The following DDX10 variants were observed in gnomAD, a reference collection of about 807,000 sequenced individuals.
DDX10 encodes the protein probable ATP-dependent RNA helicase DDX10.
A neutral mutation model predicts 104.3 loss-of-function variants in DDX10; 74 were observed. That is an observed-to-expected ratio of 0.71 (90% confidence interval 0.59 to 0.86). DDX10 has a LOEUF of 0.86. DDX10 is among the 40% of genes least tolerant of loss of function. The pLI, the probability that DDX10 is intolerant of heterozygous loss-of-function variation, is 0.00. For missense variants in DDX10, 952 were observed against 1,040.0 expected, an observed-to-expected ratio of 0.92 and a Z score of 1.16; for synonymous variants, 351 against 353.4, an observed-to-expected ratio of 0.99 and a Z score of 0.08.
At chr11:108,838,410 C>G in intron 13 of DDX10, 36 bp from the exon 14 acceptor site, 1 of 1,587,774 alleles carries the variant, frequency 6.3e-7, no homozygotes, top group South Asian at 1.2e-5. Flanking sequence ...CAACCATTTT[C>G]CTAATCATCT....
chr11:108,812,979 T>TAA (rs60528070), intron 13 of DDX10, among the ~76,000 whole-genome samples: 10 of 66,478 alleles, frequency 1.5e-4, no homozygotes, highest in African/African-American at 3.9e-4. Context: ...GACTCCATCT[T>TAA]AAAAAAAAAA....
At chr11:108,834,926 T>C (rs1176008472) in intron 13 of DDX10, among the ~76,000 whole-genome samples, 2 of 1,338 alleles carry the variant, frequency 1.5e-3, no homozygotes, top group South Asian at 0.016. Context: ...AGACTCCATC[T>C]CAAAAAAAAA....
intron 13 of DDX10, among the ~76,000 whole-genome samples, chr11:108,801,808 A>C (rs1345251231): frequency 6.6e-6 from 1 of 152,144 alleles, no homozygotes; most frequent in East Asian, 1.9e-4. Context: ...ACTGTCTTTC[A>C]CCACAATTAA....
At chr11:108,754,411 G>A (rs1372934251) in intron 13 of DDX10, among the ~76,000 whole-genome samples, 3 of 151,960 alleles carry the variant, frequency 2.0e-5, no homozygotes, top group Non-Finnish European at 4.4e-5. Context: ...CCATAATCGA[G>A]TTTTCAGGTG....
intron 13 of DDX10, among the ~76,000 whole-genome samples, chr11:108,803,697 G>T (rs924354952): frequency 1.3e-5 from 2 of 151,420 alleles, no homozygotes; most frequent in Non-Finnish European, 2.9e-5. Context: ...TTGAATTCAT[G>T]TGAAATATAC....
At chr11:108,925,938 T>C (rs1863902640) in intron 17 of DDX10, among the ~76,000 whole-genome samples, 1 of 152,196 alleles carries the variant, frequency 6.6e-6, no homozygotes, top group South Asian at 2.1e-4. Context: ...GAGACTAAAC[T>C]GTAAAACTCC....
intron 13 of DDX10, among the ~76,000 whole-genome samples, chr11:108,750,186 C>T (rs553263656): frequency 6.6e-6 from 1 of 152,226 alleles, no homozygotes; most frequent in Admixed American, 6.5e-5. Context: ...TGGAGAGTGT[C>T]ATTGTTTTCT....
chr11:108,724,634 G>A (rs537661103), intron 13 of DDX10, among the ~76,000 whole-genome samples: 9 of 152,062 alleles, frequency 5.9e-5, no homozygotes, highest in East Asian at 1.9e-4. Flanking sequence ...TTAGATTTTC[G>A]TTTTAAATAA....
At chr11:108,701,888 G>C (rs2094268788) in intron 9 of DDX10, among the ~76,000 whole-genome samples, 1 of 152,086 alleles carries the variant, frequency 6.6e-6, no homozygotes, top group African/African-American at 2.4e-5. Context: ...GTTTTGCCAT[G>C]TTGGCCAGAC....
rs142381520 is a variant in DDX10 at position 108,837,607 on chromosome 11, C to CTTTTTTTTTTTT, written c.1966-815_1966-804dup. On this transcript the variant is annotated intron_variant, in intron 13 of 17. Coordinates refer to ENST00000322536, the MANE Select transcript of DDX10 (RefSeq NM_004398.4). ...TTCTGCATCTCACCTTTGGATACAG[C>CTTTTTTTTTTTT]TTTTTTTTTTTTTTTTTTTTTTTTT... is the stretch of plus-strand genomic sequence containing the variant. 2.0e-4 allele frequency among the ~76,000 whole-genome samples: 7 copies of CTTTTTTTTTTTT among 34,748 alleles called. 2 individuals are homozygous for CTTTTTTTTTTTT. The highest frequency in any genetic ancestry group is 1.3e-3 in the Admixed American group (3 of 2,400). 22.8% of individuals were successfully genotyped at this position (34,748 alleles called of 152,430 possible).
At chr11:108,796,151 TTCTC>T (rs764438003) in intron 13 of DDX10, among the ~76,000 whole-genome samples, 14 of 152,018 alleles carry the variant, frequency 9.2e-5, no homozygotes, top group Non-Finnish European at 1.3e-4. Flanking sequence ...TCCGTTGTGA[TTCTC>T]TCTCTCTCTT....
chr11:108,826,041 G>A (rs920102301), intron 13 of DDX10, among the ~76,000 whole-genome samples: 5 of 152,146 alleles, frequency 3.3e-5, no homozygotes, highest in African/African-American at 1.2e-4. Context: ...TAATAGCTGT[G>A]ATTCTTATCA....
intron 9 of DDX10, among the ~76,000 whole-genome samples, chr11:108,698,639 C>T (rs1357891335): frequency 6.6e-6 from 1 of 152,142 alleles, no homozygotes; most frequent in African/African-American, 2.4e-5. Flanking sequence ...TTCCCAGGCA[C>T]CCCTTAGGAA....
At chr11:108,718,941 A>C (rs1033070072) in intron 11 of DDX10, among the ~76,000 whole-genome samples, 13 of 152,194 alleles carry the variant, frequency 8.5e-5, no homozygotes, top group African/African-American at 3.1e-4. Context: ...AAGCTAGATA[A>C]AACATGAAGT....
chr11:108,769,953 G>A (rs1235165435), intron 13 of DDX10, among the ~76,000 whole-genome samples: 2 of 152,140 alleles, frequency 1.3e-5, no homozygotes, highest in Non-Finnish European at 2.9e-5. Flanking sequence ...AAAAAATTTA[G>A]TGAGAAAGTG....
chr11:108,665,394 C>T, intron 1 of DDX10, 55 bp downstream of exon 1: 1 of 1,500,150 alleles, frequency 6.7e-7, no homozygotes, highest in Non-Finnish European at 8.9e-7. Context: ...GGCAGCGTCT[C>T]ACTGCGGCGA....
In DDX10 at chr11:108,930,992, G is replaced by T. The variant is rs779836860; in HGVS notation, c.2451-9254G>T. Among the ~76,000 whole-genome samples the T allele has an allele frequency of 8.5e-5, 13 of 152,050 alleles. No homozygotes were observed. The South Asian group carries it at 1.5e-3, about 17-fold the overall frequency. ...CTTGCTGAGGACCTTAACCTAACAG[G>T]GACCCAGAACCTCTCTTCCCTCCAA... is the stretch of plus-strand genomic sequence containing the variant. On this transcript the variant is annotated intron_variant, in intron 17 of 17. Coordinates refer to ENST00000322536, the MANE Select transcript of DDX10 (RefSeq NM_004398.4).
At chr11:108,748,206 G>A (rs1472734465) in intron 13 of DDX10, among the ~76,000 whole-genome samples, 2 of 152,174 alleles carry the variant, frequency 1.3e-5, no homozygotes, top group African/African-American at 4.8e-5. Context: ...CAGAAAGTAT[G>A]CAGTCTTTCT....
At chr11:108,793,706 A>C (rs1861901538) in intron 13 of DDX10, among the ~76,000 whole-genome samples, 1 of 152,044 alleles carries the variant, frequency 6.6e-6, no homozygotes, top group Non-Finnish European at 1.5e-5. Flanking sequence ...TAGTAACCCT[A>C]CTCTGCTATC....
Sources: allele counts gnomAD v4.1 joint callset (sites outside exome capture counted in the v4.1 genomes callset), GRCh38; gene constraint gnomAD v4.1.1; transcripts MANE v1.5; gene names NCBI Gene and HGNC (gene_info 2026-07-23, HGNC 2026-07-21).